The following SWT1 variants were observed in gnomAD, a reference collection of about 807,000 sequenced individuals.
The protein encoded by SWT1 is transcriptional protein SWT1.
A neutral mutation model predicts 107.3 loss-of-function variants in SWT1; 33 were observed. The ratio of observed to expected loss-of-function variants is 0.31; its 90% CI spans 0.23 to 0.41. SWT1 has a LOEUF of 0.41. Among genes scored for constraint, SWT1 ranks in the 10% least tolerant of loss-of-function variants. The pLI, the probability that SWT1 is intolerant of heterozygous loss-of-function variation, is 1.00. For synonymous variants in SWT1, 345 were observed against 348.3 expected (o/e 0.99, Z 0.11); for missense variants, 898 against 1,028.9 (o/e 0.87, Z 1.74).
chr1:185,278,109 T>G (rs1188265636), intron 18 of SWT1, among the ~76,000 whole-genome samples: 6 of 152,100 alleles, frequency 3.9e-5, no homozygotes, highest in Non-Finnish European at 8.8e-5. Context: ...ATTACAGGCA[T>G]GAGCCACCAT....
At chr1:185,202,137 A>C (rs1657935137) in intron 10 of SWT1, among the ~76,000 whole-genome samples, 1 of 152,082 alleles carries the variant, frequency 6.6e-6, no homozygotes, top group Non-Finnish European at 1.5e-5. Flanking sequence ...CGTTCTCTAT[A>C]ACCTCATAAA....
chr1:185,190,610 A>G lies in SWT1; in HGVS notation c.1491A>G (p.Glu497=). ...TAAAATGCTGTCTCCAGCACCAGGA[A>G]TTATTCCCTTGTTCTTTTGTTATTC... ...RVLKCCLQHQ[E]LFPCSFVILC... Residue 497 remains glutamate (E), a synonymous_variant, in exon 10 of 19, where the codon GAA becomes GAG. Transcript: ENST00000367500. The G allele has an allele frequency of 2.5e-6, 4 of 1,610,178 alleles. No homozygotes were observed. The highest frequency in any genetic ancestry group is 3.4e-6 in the Non-Finnish European group (4 of 1,176,716).
chr1:185,214,615 C>T lies in SWT1; in HGVS notation c.2081C>T (p.Thr694Ile). Reference sequence around the variant, plus strand: ...AATTATGATGGTATTCTTCCACAGACCTTTGCTCAAGTAAACAACCTCCTT... The same window carrying T: ...AATTATGATGGTATTCTTCCACAGATCTTTGCTCAAGTAAACAACCTCCTT... ...RSNYDGILPQTFAQVNNLLQT... is the reference protein window; with the variant it reads ...RSNYDGILPQIFAQVNNLLQT... Residue 694 changes from threonine (T) to isoleucine (I), a missense_variant, in exon 14 of 19, where the codon ACC (threonine) becomes ATC (isoleucine). This residue lies in a region of SWT1 where 382 missense variants were observed against 460.0 expected (regional missense o/e 0.83). Transcript: ENST00000367500. The T allele has an allele frequency of 1.2e-6, 2 of 1,611,364 alleles. No homozygotes were observed. The highest frequency in any genetic ancestry group is 1.7e-6 in the Non-Finnish European group (2 of 1,178,838).
intron 16 of SWT1, among the ~76,000 whole-genome samples, chr1:185,256,030 T>C (rs1342304986): frequency 1.3e-5 from 2 of 151,728 alleles, no homozygotes; most frequent in Non-Finnish European, 2.9e-5. Context: ...TATTTCTCCT[T>C]CGCTTATGAA....
At chr1:185,196,456 C>T (rs1312965747) in intron 10 of SWT1, among the ~76,000 whole-genome samples, 4 of 152,114 alleles carry the variant, frequency 2.6e-5, no homozygotes, top group African/African-American at 9.7e-5. Context: ...TTAGGATTGT[C>T]TTGGCTATAC....
chr1:185,223,017 G>A (rs1050108911), intron 15 of SWT1, among the ~76,000 whole-genome samples: 4 of 152,178 alleles, frequency 2.6e-5, no homozygotes, highest in Non-Finnish European at 5.9e-5. Context: ...ACACAGGAGT[G>A]CAGGCATCTC....
At chr1:185,238,623 C>A (rs1571587914) in intron 16 of SWT1, among the ~76,000 whole-genome samples, 1 of 152,030 alleles carries the variant, frequency 6.6e-6, no homozygotes, top group East Asian at 1.9e-4. Flanking sequence ...TTAGAGAATG[C>A]TTTTCTCTTG....
chr1:185,215,664 G>T lies in SWT1; in HGVS notation c.2121+1009G>T, dbSNP rs928943437. On this transcript the variant is annotated intron_variant, in intron 14 of 18. Transcript: ENST00000367500. Reference sequence around the variant, plus strand: ...AGTGATTCTTCCACGTCAGCCCCCCGAATAGCTGGGTCTACAGGCATGGCA... The same window carrying T: ...AGTGATTCTTCCACGTCAGCCCCCCTAATAGCTGGGTCTACAGGCATGGCA... 3.3e-5 allele frequency among the ~76,000 whole-genome samples: 5 copies of T among 151,996 alleles called. No homozygotes were observed. The East Asian group carries it at 9.7e-4, about 29-fold the overall frequency.
intron 16 of SWT1, among the ~76,000 whole-genome samples, chr1:185,268,915 C>G (rs1000669303): frequency 1.4e-5 from 2 of 148,082 alleles, no homozygotes; most frequent in South Asian, 2.1e-4. Context: ...TGCAGTGGCG[C>G]GATCTCGCCT....
intron 9 of SWT1, among the ~76,000 whole-genome samples, chr1:185,186,136 A>G (rs1286121013): frequency 2.0e-5 from 3 of 152,198 alleles, no homozygotes; most frequent in Non-Finnish European, 4.4e-5. Context: ...GGTTGAGTTA[A>G]TATATTAAAC....
At chr1:185,163,997 T>G (rs1228467121) in intron 2 of SWT1, among the ~76,000 whole-genome samples, 1 of 152,174 alleles carries the variant, frequency 6.6e-6, no homozygotes, top group Non-Finnish European at 1.5e-5. Context: ...CCTTACAATA[T>G]GTATTTTTTA....
intron 6 of SWT1, 119 bp downstream of exon 6, chr1:185,180,569 T>C (rs1655939644): frequency 1.4e-6 from 1 of 727,880 alleles, no homozygotes; most frequent in African/African-American, 1.8e-5. Flanking sequence ...GATGTCTCTA[T>C]TTAAATCAAT....
chr1:185,176,769 G>A (rs1655596017), intron 5 of SWT1: 1 of 749,608 alleles, frequency 1.3e-6, no homozygotes, highest in Non-Finnish European at 1.6e-6. Flanking sequence ...CGGATCACGA[G>A]GTCAGGAGAT....
chr1:185,201,634 A>G (rs1657893307), intron 10 of SWT1, among the ~76,000 whole-genome samples: 1 of 152,150 alleles, frequency 6.6e-6, no homozygotes. Flanking sequence ...TTGGAAATGC[A>G]GAAATCACCT....
Position 185,276,593 on chromosome 1 carries a change from G to T in SWT1, c.2509-11G>T. On this transcript the variant is annotated splice_polypyrimidine_tract_variant and intron_variant, in intron 17 of 18. Coordinates refer to ENST00000367500, the MANE Select transcript of SWT1 (RefSeq NM_017673.7). ...ATATATTTTTAATAACTATATCTTG[G>T]TTCCTTTCAGGTAAATAAAAATGTC... 1 of 1,520,280 alleles carries T rather than the reference G, an allele frequency of 6.6e-7. No homozygotes were observed. Among genetic ancestry groups the T allele is most frequent in the Non-Finnish European group, 9.1e-7 (1 of 1,103,430 alleles). 94.2% of individuals were successfully genotyped at this position (1,520,280 alleles called of 1,614,324 possible). A position where few individuals can be genotyped will look rare whatever the true frequency, so the allele number is the denominator to read the frequency against.
intron 5 of SWT1, among the ~76,000 whole-genome samples, chr1:185,177,495 T>C (rs1267581037): frequency 3.3e-5 from 5 of 152,348 alleles, no homozygotes; most frequent in African/African-American, 9.6e-5. Context: ...ATAGCAGCAT[T>C]ATCAGGCTTA....
At chr1:185,243,233 G>A (rs1367773534) in intron 16 of SWT1, among the ~76,000 whole-genome samples, 2 of 151,914 alleles carry the variant, frequency 1.3e-5, no homozygotes, top group African/African-American at 4.8e-5. Flanking sequence ...CTCAGCCTCT[G>A]GAGTACTTGG....
chr1:185,168,511 T>C (rs1019227429), intron 4 of SWT1, 113 bp downstream of exon 4: 5 of 450,670 alleles, frequency 1.1e-5, no homozygotes, highest in East Asian at 1.0e-4. Flanking sequence ...CATGCAAATA[T>C]CTCTAGCTAT....
At chr1:185,211,215 A>G (rs572302560) in intron 13 of SWT1, among the ~76,000 whole-genome samples, 2 of 152,310 alleles carry the variant, frequency 1.3e-5, no homozygotes, top group South Asian at 4.1e-4. Flanking sequence ...ATGGAACCAA[A>G]AAAGAGCCCA....
Sources: allele counts gnomAD v4.1 joint callset (sites outside exome capture counted in the v4.1 genomes callset), GRCh38; gene constraint gnomAD v4.1.1; regional missense constraint gnomAD v4.1.1; transcripts MANE v1.5; gene names NCBI Gene and HGNC (gene_info 2026-07-23, HGNC 2026-07-21).